Variants in ZNF407 observed in about 807,000 individuals in gnomAD.
ZNF407 encodes zinc finger protein 407.
ZNF407 carries 17 observed loss-of-function variants against 131.2 expected under a neutral mutation model. The ratio of observed to expected loss-of-function variants is 0.13; its 90% CI spans 0.09 to 0.19. The LOEUF (loss-of-function observed/expected upper bound fraction) is 0.19, where lower values mean the gene tolerates loss of function less well. Ranked by LOEUF, ZNF407 falls within the 10% of genes least tolerant of loss-of-function variation. ZNF407 has a pLI of 1.00. For missense variants in ZNF407, 2,681 were observed against 2,830.6 expected (o/e 0.95, Z 1.20); for synonymous variants, 1,156 against 1,062.0 (o/e 1.09, Z -1.72).
At chr18:74,950,551 C>G (rs1053905567) in intron 8 of ZNF407, among the ~76,000 whole-genome samples, 1 of 152,144 alleles carries the variant, frequency 6.6e-6, no homozygotes, top group Non-Finnish European at 1.5e-5. Context: ...TTCCTCTTAT[C>G]CAAGGAAGGA....
intron 8 of ZNF407, among the ~76,000 whole-genome samples, chr18:74,940,747 C>G (rs192914550): frequency 2.0e-5 from 3 of 152,298 alleles, no homozygotes; most frequent in African/African-American, 7.2e-5. Flanking sequence ...CCTCTCTGCT[C>G]CTGTCTGCGG....
intron 8 of ZNF407, among the ~76,000 whole-genome samples, chr18:74,957,577 T>C (rs1972291196): frequency 6.6e-6 from 1 of 152,084 alleles, no homozygotes; most frequent in Non-Finnish European, 1.5e-5. Context: ...CATAAAGATA[T>C]TTATGTAGTA....
At chr18:74,987,085 T>C (rs1972661597) in intron 8 of ZNF407, among the ~76,000 whole-genome samples, 1 of 152,166 alleles carries the variant, frequency 6.6e-6, no homozygotes, top group African/African-American at 2.4e-5. Context: ...CTAAACATCA[T>C]ATAAGTGTTT....
chr18:74,888,771 G>A (rs1477881420), intron 6 of ZNF407, among the ~76,000 whole-genome samples: 1 of 152,166 alleles, frequency 6.6e-6, no homozygotes, highest in East Asian at 1.9e-4. Context: ...AATGTGTGTG[G>A]GGTGGGTAGG....
intron 3 of ZNF407, among the ~76,000 whole-genome samples, chr18:74,706,294 G>GA (rs2144834493): frequency 6.6e-6 from 1 of 152,056 alleles, no homozygotes; most frequent in South Asian, 2.1e-4. Context: ...TTTTGTTTTG[G>GA]AAAAAACAGG....
chr18:75,046,836 T>C (rs1381543604), intron 8 of ZNF407, among the ~76,000 whole-genome samples: 3 of 152,146 alleles, frequency 2.0e-5, no homozygotes, highest in Non-Finnish European at 2.9e-5. Context: ...CAAAAGTCTC[T>C]TGTCAGAATT....
intron 3 of ZNF407, among the ~76,000 whole-genome samples, chr18:74,690,212 G>T (rs1400670049): frequency 6.6e-6 from 1 of 152,078 alleles, no homozygotes; most frequent in Non-Finnish European, 1.5e-5. Context: ...TTCTTTAAGA[G>T]AAATTTTAGA....
chr18:74,920,108 A>G (rs889389605), intron 7 of ZNF407, among the ~76,000 whole-genome samples: 30 of 152,266 alleles, frequency 2.0e-4, no homozygotes, highest in Non-Finnish European at 3.8e-4. Context: ...TTAAAAGCCA[A>G]AGTGTCTTTG....
At chr18:74,727,278 AAGGAAGAGAGTGAAGGAGT>A (rs566315622) in intron 3 of ZNF407, among the ~76,000 whole-genome samples, 2,941 of 152,178 alleles carry the variant, frequency 0.019, 41 homozygotes, top group Non-Finnish European at 0.03. Flanking sequence ...GAAGAGAGTG[AAGGAAGAGAGTGAAGGAGT>A]AGGAAGAGAG....
intron 3 of ZNF407, among the ~76,000 whole-genome samples, chr18:74,757,579 T>C (rs948368224): frequency 3.3e-5 from 5 of 152,132 alleles, no homozygotes; most frequent in African/African-American, 1.2e-4. Flanking sequence ...TATCATATGA[T>C]CAGTTCTGGA....
chr18:75,053,841 G>T (rs777124045), intron 8 of ZNF407, among the ~76,000 whole-genome samples: 2 of 152,212 alleles, frequency 1.3e-5, no homozygotes, highest in African/African-American at 2.4e-5. Context: ...AGGACTGAGG[G>T]CCATCGTCCC....
intron 3 of ZNF407, among the ~76,000 whole-genome samples, chr18:74,769,594 T>G (rs1320955027): frequency 6.6e-6 from 1 of 152,232 alleles, no homozygotes; most frequent in East Asian, 1.9e-4. Flanking sequence ...GTTTACAAAA[T>G]TCATTGTATT....
At chr18:74,729,069 T>C in intron 3 of ZNF407, among the ~76,000 whole-genome samples, 1 of 152,192 alleles carries the variant, frequency 6.6e-6, no homozygotes, top group East Asian at 1.9e-4. Flanking sequence ...TATCTGACTA[T>C]AGAATCTACT....
At chr18:74,629,543 TTTTTAA>T (rs1983953344) in intron 1 of ZNF407, among the ~76,000 whole-genome samples, 1 of 152,178 alleles carries the variant, frequency 6.6e-6, no homozygotes, top group African/African-American at 2.4e-5. Flanking sequence ...TCTTTTGAAG[TTTTTAA>T]TTTTGATGAA....
chr18:74,942,910 T>C (rs1052677122), intron 8 of ZNF407, among the ~76,000 whole-genome samples: 3 of 147,526 alleles, frequency 2.0e-5, no homozygotes, highest in African/African-American at 7.8e-5. Flanking sequence ...ATTTATTTTT[T>C]ATTTTATCTT....
chr18:74,700,770 T>C (rs1967473843), intron 3 of ZNF407, among the ~76,000 whole-genome samples: 1 of 152,208 alleles, frequency 6.6e-6, no homozygotes, highest in Non-Finnish European at 1.5e-5. Context: ...TCTAGGAGTT[T>C]AGCCTTGGTC....
intron 8 of ZNF407, among the ~76,000 whole-genome samples, chr18:75,060,958 A>G (rs186657874): frequency 1.3e-5 from 2 of 152,316 alleles, no homozygotes; most frequent in East Asian, 1.9e-4. Context: ...GAGCTGGGCC[A>G]TGTCCCCTTG....
intron 7 of ZNF407, chr18:74,898,083 A>T (rs1318388125): frequency 6.6e-6 from 1 of 152,204 alleles, no homozygotes; most frequent in African/African-American, 2.4e-5. Context: ...GAAAGACAGA[A>T]AGACAAACTT....
chr18:74,875,177 A>G (rs971311401), intron 4 of ZNF407, among the ~76,000 whole-genome samples: 3 of 152,228 alleles, frequency 2.0e-5, no homozygotes, highest in Non-Finnish European at 4.4e-5. Flanking sequence ...GACAGTTTAC[A>G]TAGGTAATAC....
Sources: gnomAD v4.1 joint callset for allele counts (sites outside exome capture counted in the v4.1 genomes callset) on GRCh38, gnomAD v4.1.1 for gene constraint, MANE v1.5 for transcripts, NCBI Gene and HGNC (gene_info 2026-07-23, HGNC 2026-07-21) for gene names.